The following SMARCE1 variants were observed in gnomAD, a reference collection of about 807,000 sequenced individuals.
SMARCE1 encodes SWI/SNF related BAF chromatin remodeling complex subunit E1, also known as SWI/SNF-related matrix-associated actin-dependent regulator of chromatin subfamily E member 1.
A neutral mutation model predicts 54.9 loss-of-function variants in SMARCE1; 13 were observed. The ratio of observed to expected loss-of-function variants is 0.24; its 90% CI spans 0.15 to 0.38. The LOEUF is 0.38. Ranked by LOEUF, SMARCE1 falls within the 10% of genes least tolerant of loss-of-function variation. SMARCE1 has a pLI of 1.00. For missense variants in SMARCE1, 295 were observed against 523.8 expected, an observed-to-expected ratio of 0.56 and a Z score of 4.26; for synonymous variants, 151 against 175.3, an observed-to-expected ratio of 0.86 and a Z score of 1.10.
At position 40,642,709 on chromosome 17, in the gene SMARCE1, G is replaced by A. The variant is rs557304797; in HGVS notation, c.52-150C>T. The A allele has an allele frequency of 1.8e-4, 103 of 577,044 alleles. No individual in the cohort carries two copies. In the African/African-American group the frequency reaches 1.8e-3, roughly 10 times the overall value. 35.7% of individuals were successfully genotyped at this position (577,044 alleles called of 1,614,324 possible). Reference sequence around the variant, plus strand: ...GTTGTAATTGTTCTTTTTTTCCACTGAGGAAATTAAATATTTTTCTTTCAT... The same window carrying A: ...GTTGTAATTGTTCTTTTTTTCCACTAAGGAAATTAAATATTTTTCTTTCAT... On this transcript the variant is annotated intron_variant, in intron 3 of 10. Coordinates refer to ENST00000348513, the MANE Select transcript of SMARCE1 (RefSeq NM_003079.5). The surrounding 1 kb of genome is among the most constrained non-coding windows in gnomAD (Gnocchi z 4.6).
In SMARCE1 at chr17:40,632,383, T is replaced by C. The variant is rs2143988665; in HGVS notation, c.542-16A>G. Reference sequence around the variant, plus strand: ...TCATCATAATCTGGAGTGAACAAATTGTTCTGGAAATCAGGTCACCAGTAA... The same window carrying C: ...TCATCATAATCTGGAGTGAACAAATCGTTCTGGAAATCAGGTCACCAGTAA... On this transcript the variant is annotated splice_polypyrimidine_tract_variant and intron_variant, in intron 7 of 10. Coordinates refer to ENST00000348513, the MANE Select transcript of SMARCE1 (RefSeq NM_003079.5). 6.2e-7 allele frequency: 1 copy of C among 1,610,478 alleles called. No individual in the cohort carries two copies. Among genetic ancestry groups the C allele is most frequent in the African/African-American group, 1.3e-5 (1 of 74,868 alleles).
chr17:40,644,131 TAAAG>T (rs1025423523), intron 3 of SMARCE1: 7 of 152,188 alleles, frequency 4.6e-5, no homozygotes, highest in Admixed American at 1.3e-4. Context: ...AAAATATAAC[TAAAG>T]AAAGGCAAAA....
rs1269251205 is a variant in SMARCE1, at chr17:40,625,088, C to T, written c.*3697G>A. On this transcript the variant is annotated 3_prime_UTR_variant, in exon 11 of 11. Coordinates refer to ENST00000348513, the MANE Select transcript of SMARCE1 (RefSeq NM_003079.5). ...ACACTTAGAAAGCTGCCACGAAGAG[C>T]TTATTCTTGGAGTATAAAATGCAGA... 1 of 152,214 alleles carries T rather than the reference C, an allele frequency of 6.6e-6. No homozygotes were observed. Among genetic ancestry groups the T allele is most frequent in the African/African-American group, 2.4e-5 (1 of 41,452 alleles). The allele number at this position is 152,214 out of a possible 1,614,324, so 9.4% of individuals were successfully genotyped here. A position where few individuals can be genotyped will look rare whatever the true frequency, so the allele number is the denominator to read the frequency against.
intron 3 of SMARCE1, chr17:40,644,368 A>G (rs1038176712): frequency 4.6e-5 from 7 of 152,286 alleles, no homozygotes; most frequent in African/African-American, 1.7e-4. Context: ...ATGGAAAGCA[A>G]AACATTATAA....
In SMARCE1 at chr17:40,631,613, T is replaced by C. The variant is rs1193419924; in HGVS notation, c.795A>G (p.Ser265=). 3.1e-6 allele frequency: 5 copies of C among 1,587,396 alleles called. No homozygotes were observed. The highest frequency in any genetic ancestry group is 4.3e-6 in the Non-Finnish European group (5 of 1,156,382). Residue 265 remains serine (S), a synonymous_variant, in exon 9 of 11, where the codon TCA becomes TCG. Transcript: ENST00000348513. ...KKRKFLESTD[S]FNNELKRLCG... ...ATACCCTTTTAAGTTCATTGTTAAA[T>C]GAATCTGTGCTTTCCAGGAATTTCC... is the stretch of plus-strand genomic sequence containing the variant.
chr17:40,640,571 T>C (rs146470506), intron 4 of SMARCE1: 4 of 152,314 alleles, frequency 2.6e-5, no homozygotes, highest in South Asian at 2.1e-4. Flanking sequence ...ACTAGGGTCA[T>C]AGTAAAATCA....
At chr17:40,639,853 G>C (rs964826894) in intron 4 of SMARCE1, 8 of 152,158 alleles carry the variant, frequency 5.3e-5, no homozygotes, top group African/African-American at 1.7e-4. Context: ...CTGTTTTGCT[G>C]TGCTGTAACC....
chr17:40,633,865 T>C (rs1241251043), intron 7 of SMARCE1: 1 of 152,266 alleles, frequency 6.6e-6, no homozygotes, highest in African/African-American at 2.4e-5. Flanking sequence ...ACATCTGTGC[T>C]ACATCTGTCT....
chr17:40,635,330 C>A (rs558096010), intron 7 of SMARCE1: 1 of 151,548 alleles, frequency 6.6e-6, no homozygotes, highest in Non-Finnish European at 1.5e-5. Context: ...AGCTTCAGAC[C>A]CTGCCTGGCT....
At chr17:40,640,101 T>C (rs574151394) in intron 4 of SMARCE1, 1 of 152,338 alleles carries the variant, frequency 6.6e-6, no homozygotes, top group African/African-American at 2.4e-5. Flanking sequence ...TTCATGGTTT[T>C]GTGAAATTTA....
Position 40,635,941 on chromosome 17 carries a change from T to G in SMARCE1, c.531A>C (p.Glu177Asp). 6.4e-7 allele frequency: 1 copy of G among 1,572,732 alleles called. No homozygotes were observed. The highest frequency in any genetic ancestry group is 1.2e-5 in the South Asian group (1 of 81,588). Residue 177 changes from glutamate (E) to aspartate (D), a missense_variant, in exon 7 of 11, where the codon GAA (glutamate) becomes GAC (aspartate). By Grantham distance (45) the Glu-to-Asp change is conservative. Transcript: ENST00000348513. ...CTTTTTTTCTTTTACCATCTGGATC[T>G]TCAGCAGGCTGAATGCTCATGTACG... ...GEPYMSIQPA[E>D]DPDDYDDGFS...
chr17:40,636,172 C>T (rs556313619), intron 6 of SMARCE1, 70 bp from the exon 7 acceptor site: 1 of 1,309,718 alleles, frequency 7.6e-7, no homozygotes, highest in Admixed American at 2.1e-5. Context: ...TATGTTATCT[C>T]ACTTGAATAT....
chr17:40,625,177 CTAATAG>C lies in SMARCE1; in HGVS notation c.*3602_*3607del, dbSNP rs1377355750. The C allele has an allele frequency of 6.6e-6, 1 of 152,168 alleles. No individual in the cohort carries two copies. The highest frequency in any genetic ancestry group is 1.5e-5 in the Non-Finnish European group (1 of 68,026). The allele number at this position is 152,168 out of a possible 1,614,324, so 9.4% of individuals were successfully genotyped here. A position where few individuals can be genotyped will look rare whatever the true frequency, so the allele number is the denominator to read the frequency against. On this transcript the variant is annotated 3_prime_UTR_variant, in exon 11 of 11. Transcript: ENST00000348513. ...CACTGGCAATTTCTTATGGTTCAAC[CTAATAG>C]TAAAACATTTATAAACAATTGTATC...
rs996920409 is a variant in SMARCE1, at chr17:40,628,764, A to G, written c.*21T>C. 7.6e-6 allele frequency: 12 copies of G among 1,583,486 alleles called. No individual in the cohort carries two copies. The highest frequency in any genetic ancestry group is 2.6e-6 in the Non-Finnish European group (3 of 1,153,230). ...TTTTTCATTAAAAAAAGTATTTAGA[A>G]CACACAAAACAAGGCAACACTTATT... On this transcript the variant is annotated 3_prime_UTR_variant, in exon 11 of 11. Transcript: ENST00000348513.
At chr17:40,636,703 T>C (rs2037148711) in intron 5 of SMARCE1, 177 bp from the exon 6 acceptor site, 1 of 543,818 alleles carries the variant, frequency 1.8e-6, no homozygotes, top group African/African-American at 1.9e-5. Flanking sequence ...CAAGTTATCT[T>C]TGCCCTACTG....
At position 40,636,115 on chromosome 17, in the gene SMARCE1, TG is replaced by T. The variant is rs1272403496; in HGVS notation, c.370-14del. The T allele has an allele frequency of 6.3e-7, 1 of 1,584,778 alleles. No homozygotes were observed. The highest frequency in any genetic ancestry group is 8.6e-7 in the Non-Finnish European group (1 of 1,167,544). The stretch of plus-strand genomic sequence containing the variant: ...CATTGTACTCTATCTGAAATTCAAA[TG>T]TTTTTTGGTTTTATAATTAACATTT... On this transcript the variant is annotated splice_polypyrimidine_tract_variant and intron_variant, in intron 6 of 10. Transcript: ENST00000348513.
chr17:40,644,114 T>C (rs896043965), intron 3 of SMARCE1: 2 of 152,248 alleles, frequency 1.3e-5, no homozygotes, highest in African/African-American at 4.8e-5. Context: ...GAAACTATAA[T>C]GACACAAAAA....
chr17:40,645,332 AAAAC>A (rs2037245077), intron 3 of SMARCE1: 3 of 415,844 alleles, frequency 7.2e-6, no homozygotes, highest in Admixed American at 4.4e-5. Flanking sequence ...TTACAAAGAA[AAAAC>A]AAAACAAACT....
chr17:40,644,097 T>C (rs1211350011), intron 3 of SMARCE1: 2 of 152,276 alleles, frequency 1.3e-5, no homozygotes, highest in African/African-American at 2.4e-5. Flanking sequence ...ATTTTGTGTG[T>C]TAATGTGAAA....
Sources: allele counts gnomAD v4.1 joint callset, GRCh38; gene constraint gnomAD v4.1.1; non-coding constraint Gnocchi (gnomAD v3.1); transcripts MANE v1.5; gene names NCBI Gene and HGNC (gene_info 2026-07-23, HGNC 2026-07-21).